CNTN5: variants seen among roughly 807,000 people sequenced by gnomAD.
CNTN5 encodes the protein contactin-5.
CNTN5 carries 77 observed loss-of-function variants against 129.1 expected under a neutral mutation model. That is an observed-to-expected ratio of 0.60 (90% CI 0.50 to 0.72). CNTN5 has a LOEUF of 0.72. Ranked by LOEUF, CNTN5 falls within the 30% of genes least tolerant of loss-of-function variation. The pLI is 0.00. For synonymous variants in CNTN5, 509 were observed against 465.6 expected, an observed-to-expected ratio of 1.09 and a Z score of -1.20; for missense variants, 1,478 against 1,328.8, an observed-to-expected ratio of 1.11 and a Z score of -1.75.
At chr11:100,191,341 T>G (rs1455257700) in intron 14 of CNTN5, 88 bp downstream of exon 14, 4 of 1,084,194 alleles carry the variant, frequency 3.7e-6, no homozygotes, top group Non-Finnish European at 5.1e-6. Context: ...CATATATGTT[T>G]GGACTTAAGT....
chr11:99,668,394 C>T (rs1952888467), intron 3 of CNTN5, among the ~76,000 whole-genome samples: 1 of 152,090 alleles, frequency 6.6e-6, no homozygotes, highest in South Asian at 2.1e-4. Context: ...AGTGGTGATT[C>T]TCGTATCCTT....
At chr11:100,349,028 A>C (rs1031501823) in intron 23 of CNTN5, among the ~76,000 whole-genome samples, 1 of 151,980 alleles carries the variant, frequency 6.6e-6, no homozygotes, top group Non-Finnish European at 1.5e-5. Flanking sequence ...TTGCATTTAC[A>C]CTGAGGCTAT....
intron 3 of CNTN5, among the ~76,000 whole-genome samples, chr11:99,712,351 T>C (rs1183448397): frequency 1.3e-5 from 2 of 152,124 alleles, no homozygotes; most frequent in African/African-American, 4.8e-5. Flanking sequence ...TAAATTTGAT[T>C]AAGTTCTTTG....
chr11:99,071,320 TTCTAGAAA>T (rs1359286706), intron 1 of CNTN5, among the ~76,000 whole-genome samples: 1 of 152,172 alleles, frequency 6.6e-6, no homozygotes, highest in African/African-American at 2.4e-5. Flanking sequence ...TAATGCTTCT[TTCTAGAAA>T]TCCCAGTGCT....
At chr11:99,535,453 G>T (rs759697611) in intron 2 of CNTN5, among the ~76,000 whole-genome samples, 1 of 152,078 alleles carries the variant, frequency 6.6e-6, no homozygotes, top group South Asian at 2.1e-4. Context: ...CTTCTTTGGT[G>T]CTATAGAAAA....
At chr11:99,610,069 G>A (rs1950549315) in intron 3 of CNTN5, among the ~76,000 whole-genome samples, 1 of 152,096 alleles carries the variant, frequency 6.6e-6, no homozygotes, top group African/African-American at 2.4e-5. Flanking sequence ...CTTGTTCAAT[G>A]CCACAAAGAC....
chr11:99,158,181 T>C (rs1363561997), intron 1 of CNTN5, among the ~76,000 whole-genome samples: 1 of 152,168 alleles, frequency 6.6e-6, no homozygotes, highest in Non-Finnish European at 1.5e-5. Flanking sequence ...GTGTCTTGTT[T>C]GGTATGTAAA....
At chr11:99,294,763 A>G (rs1382080495) in intron 1 of CNTN5, among the ~76,000 whole-genome samples, 2 of 152,144 alleles carry the variant, frequency 1.3e-5, no homozygotes, top group Admixed American at 1.3e-4. Flanking sequence ...CATCACAGAC[A>G]CCACTGTCGA....
chr11:99,579,494 CTT>C (rs1949493409), intron 3 of CNTN5, among the ~76,000 whole-genome samples: 1 of 149,866 alleles, frequency 6.7e-6, no homozygotes, highest in Admixed American at 6.7e-5. Context: ...TTTGTATCCT[CTT>C]TTATTTCATT....
intron 2 of CNTN5, among the ~76,000 whole-genome samples, chr11:99,375,592 C>G (rs912653004): frequency 6.6e-6 from 1 of 152,020 alleles, no homozygotes; most frequent in Non-Finnish European, 1.5e-5. Context: ...CTTAAAAATA[C>G]AACAGTGATT....
chr11:99,254,889 T>C (rs998873319), intron 1 of CNTN5, among the ~76,000 whole-genome samples: 1 of 151,966 alleles, frequency 6.6e-6, no homozygotes, highest in Non-Finnish European at 1.5e-5. Flanking sequence ...GAGGTTGAGT[T>C]CCAATATTTC....
At chr11:100,067,491 G>A (rs1380495970) in intron 10 of CNTN5, among the ~76,000 whole-genome samples, 1 of 134,256 alleles carries the variant, frequency 7.4e-6, no homozygotes, top group Non-Finnish European at 1.6e-5. Flanking sequence ...TTTTTTTTTT[G>A]CTATTATGCA....
chr11:99,088,178 G>A lies in CNTN5; in HGVS notation c.-210+66908G>A, dbSNP rs371677480. Among the ~76,000 whole-genome samples, 5 of 152,094 alleles carry A rather than the reference G, an allele frequency of 3.3e-5. 1 individual carries two copies. Among genetic ancestry groups the A allele is most frequent in the Admixed American group, 1.3e-4 (2 of 15,250 alleles). ...TCACACACATATACTTCACATGGAGGTCAGTGTCTTTTTTCTATGTTCTCC... is the reference window on the plus strand; with the variant it reads ...TCACACACATATACTTCACATGGAGATCAGTGTCTTTTTTCTATGTTCTCC... On this transcript the variant is annotated intron_variant, in intron 1 of 24. Coordinates refer to ENST00000524871, the MANE Select transcript of CNTN5 (RefSeq NM_014361.4).
At chr11:99,999,562 C>T (rs894910282) in intron 8 of CNTN5, among the ~76,000 whole-genome samples, 1 of 152,176 alleles carries the variant, frequency 6.6e-6, no homozygotes, top group African/African-American at 2.4e-5. Context: ...CTTAGTGGGA[C>T]TGTAAACTAG....
At position 99,732,525 on chromosome 11, in the gene CNTN5, T is replaced by A. The variant is rs113311149; in HGVS notation, c.56-87019T>A. ...AGACAGTGATCATCGTAAGCTGAAA[T>A]GGAATGGAAATATTCCATGAGAGAG... is the stretch of plus-strand genomic sequence containing the variant. On this transcript the variant is annotated intron_variant, in intron 3 of 24. Coordinates refer to ENST00000524871, the MANE Select transcript of CNTN5 (RefSeq NM_014361.4). Among the ~76,000 whole-genome samples, 468 of 152,230 alleles carry A rather than the reference T, an allele frequency of 3.1e-3. 3 individuals carry two copies. Among genetic ancestry groups the A allele is most frequent in the African/African-American group, 0.01 (419 of 41,546 alleles).
At chr11:99,988,115 G>C (rs572680208) in intron 8 of CNTN5, among the ~76,000 whole-genome samples, 1 of 152,298 alleles carries the variant, frequency 6.6e-6, no homozygotes, top group East Asian at 1.9e-4. Context: ...ATCCACAAGA[G>C]TTTGTAAAAT....
chr11:99,840,640 AAAAC>A (rs1489796308), intron 4 of CNTN5, among the ~76,000 whole-genome samples: 35 of 152,312 alleles, frequency 2.3e-4, no homozygotes, highest in Admixed American at 6.5e-4. Flanking sequence ...ATAGAGGAAA[AAAAC>A]ACAGAAAACC....
chr11:99,817,346 C>T (rs373365558), intron 3 of CNTN5, among the ~76,000 whole-genome samples: 14 of 152,136 alleles, frequency 9.2e-5, no homozygotes, highest in African/African-American at 2.9e-4. Context: ...GAAGACCTGG[C>T]GTAGTGCGCT....
intron 2 of CNTN5, among the ~76,000 whole-genome samples, chr11:99,326,245 T>C (rs1017609991): frequency 2.6e-5 from 4 of 152,224 alleles, no homozygotes; most frequent in Admixed American, 1.3e-4. Context: ...ACAATACTTC[T>C]GATGTACTTT....
Sources: gnomAD v4.1 joint callset for allele counts (sites outside exome capture counted in the v4.1 genomes callset) on GRCh38, gnomAD v4.1.1 for gene constraint, MANE v1.5 for transcripts, NCBI Gene and HGNC (gene_info 2026-07-23, HGNC 2026-07-21) for gene names.